The following ARSJ variants were observed in gnomAD, a reference collection of about 807,000 sequenced individuals.
ARSJ encodes arylsulfatase family member J.
Under a neutral mutation model 35.9 loss-of-function variants are expected in ARSJ, and 26 were observed. The ratio of observed to expected loss-of-function variants is 0.72; its 90% CI spans 0.53 to 1.00. The LOEUF (loss-of-function observed/expected upper bound fraction) is 1.00. Among genes scored for constraint, ARSJ ranks in the 50% least tolerant of loss-of-function variants. The probability of loss-of-function intolerance (pLI) is 0.00; values close to 1 mark genes in which losing one functional copy is unlikely to be tolerated. For missense variants in ARSJ, 667 were observed against 723.6 expected, an observed-to-expected ratio of 0.92 and a Z score of 0.90; for synonymous variants, 294 against 267.6, an observed-to-expected ratio of 1.10 and a Z score of -0.96.
At chr4:113,936,433 T>C (rs1724772383) in intron 1 of ARSJ, among the ~76,000 whole-genome samples, 1 of 151,912 alleles carries the variant, frequency 6.6e-6, no homozygotes, top group Non-Finnish European at 1.5e-5. Context: ...GAAGACAATA[T>C]AATCTTCTCC....
chr4:113,978,401 C>T (rs1562383408), intron 1 of ARSJ, 36 bp downstream of exon 1: 5 of 1,513,568 alleles, frequency 3.3e-6, no homozygotes, highest in African/African-American at 1.4e-5. Context: ...CTTAAGATTT[C>T]TCCAAGGAAT....
intron 1 of ARSJ, among the ~76,000 whole-genome samples, chr4:113,971,868 T>C (rs1449556781): frequency 2.0e-5 from 3 of 152,144 alleles, no homozygotes; most frequent in Non-Finnish European, 1.5e-5. Context: ...TGCATGACCA[T>C]GATGTTTACA....
At position 113,967,919 on chromosome 4, in the gene ARSJ, A is replaced by C. The variant is rs28625481; in HGVS notation, c.398+10518T>G. On this transcript the variant is annotated intron_variant, in intron 1 of 1. Coordinates refer to ENST00000315366, the MANE Select transcript of ARSJ (RefSeq NM_024590.4). ...CAATATGTCAGTCATAAAACACTTA[A>C]CATAGTTTTTGAATATTTTCTCCTT... Among the ~76,000 whole-genome samples, 1,201 of 152,260 alleles carry C rather than the reference A, an allele frequency of 7.9e-3. 18 individuals carry two copies. The highest frequency in any genetic ancestry group is 0.027 in the African/African-American group (1,138 of 41,546).
rs76632922 is a variant in ARSJ, at chr4:113,940,597, G to A, written c.399-36922C>T. On this transcript the variant is annotated intron_variant, in intron 1 of 1. Coordinates refer to ENST00000315366, the MANE Select transcript of ARSJ (RefSeq NM_024590.4). ...GGTGCAGCAAACCACCGTGGCACAC[G>A]TTACCTATGTAACAAATCTGCACAT... is the stretch of plus-strand genomic sequence containing the variant. Among the ~76,000 whole-genome samples, 390 of 151,240 alleles carry A rather than the reference G, an allele frequency of 2.6e-3. 1 individual carries two copies. Among genetic ancestry groups the A allele is most frequent in the African/African-American group, 8.7e-3 (358 of 41,202 alleles).
At position 113,903,558 on chromosome 4, in the gene ARSJ, A is replaced by G; in HGVS notation, c.516T>C (p.His172=). Residue 172 remains histidine, a synonymous_variant, in exon 2 of 2, where the codon CAT becomes CAC. Coordinates refer to ENST00000315366, the MANE Select transcript of ARSJ (RefSeq NM_024590.4). ...QKLKEVGYST[H]MVGKWHLGFY... is the part of the protein sequence containing the mutation. ...AACCCAAGTGCCATTTTCCGACCAT[A>G]TGCGTTGAATATCCAACCTCCTTCA... 4 of 1,614,180 alleles carry G rather than the reference A, an allele frequency of 2.5e-6. No homozygotes were observed. The South Asian group carries it at 4.4e-5, about 18-fold the overall frequency.
rs1174548062 is a variant in ARSJ at position 113,978,793 on chromosome 4, A to G, written c.42T>C (p.Ser14=). 5.0e-6 allele frequency: 8 copies of G among 1,613,442 alleles called. No homozygotes were observed. Among genetic ancestry groups the G allele is most frequent in the Middle Eastern group, 1.7e-4 (1 of 6,060 alleles). The change falls in exon 1 of 2, where the codon TCT becomes TCC. Residue 14 remains serine, a synonymous_variant. Coordinates refer to ENST00000315366, the MANE Select transcript of ARSJ (RefSeq NM_024590.4). ...TTCCAGGACAGACACAGGCCTGTGG[A>G]GAAGGCGGAGGCGGATGCCCCGCAC... ...RGCAGHPPPP[S]PQACVCPGKM...
chr4:113,969,261 C>T (rs1727088658), intron 1 of ARSJ, among the ~76,000 whole-genome samples: 1 of 152,174 alleles, frequency 6.6e-6, no homozygotes, highest in Non-Finnish European at 1.5e-5. Flanking sequence ...TTAAAAAATA[C>T]ACCCCAGTCA....
At chr4:113,924,443 C>T (rs950063920) in intron 1 of ARSJ, among the ~76,000 whole-genome samples, 1 of 151,948 alleles carries the variant, frequency 6.6e-6, no homozygotes, top group Non-Finnish European at 1.5e-5. Flanking sequence ...ACAGACACAC[C>T]CAGGATCAAT....
chr4:113,955,843 A>C (rs1015449796), intron 1 of ARSJ, among the ~76,000 whole-genome samples: 15 of 152,202 alleles, frequency 9.9e-5, no homozygotes, highest in African/African-American at 3.6e-4. Flanking sequence ...AAAATGTTTT[A>C]ACAACAATAA....
intron 1 of ARSJ, among the ~76,000 whole-genome samples, chr4:113,962,860 A>C (rs1726644603): frequency 6.6e-6 from 1 of 151,986 alleles, no homozygotes; most frequent in South Asian, 2.1e-4. Flanking sequence ...ACACTACAGG[A>C]TCTGGCTTCT....
At chr4:113,955,961 G>A (rs986504471) in intron 1 of ARSJ, among the ~76,000 whole-genome samples, 11 of 152,052 alleles carry the variant, frequency 7.2e-5, no homozygotes, top group African/African-American at 2.7e-4. Flanking sequence ...GTTATTTGTA[G>A]TATGGAAACT....
At chr4:113,948,843 C>A (rs1013766689) in intron 1 of ARSJ, among the ~76,000 whole-genome samples, 4 of 152,226 alleles carry the variant, frequency 2.6e-5, no homozygotes, top group African/African-American at 9.6e-5. Flanking sequence ...TTTTCTGTAT[C>A]TCTTCATTGC....
intron 1 of ARSJ, among the ~76,000 whole-genome samples, chr4:113,948,791 A>G (rs1346477333): frequency 1.3e-5 from 2 of 152,236 alleles, no homozygotes; most frequent in Middle Eastern, 3.4e-3. Context: ...GCCATTCCAC[A>G]TCCTCTTCTA....
intron 1 of ARSJ, among the ~76,000 whole-genome samples, chr4:113,965,166 A>C (rs2149283005): frequency 6.6e-6 from 1 of 152,238 alleles, no homozygotes; most frequent in South Asian, 2.1e-4. Flanking sequence ...GAAACTCTGA[A>C]AGGTAATATT....
intron 1 of ARSJ, among the ~76,000 whole-genome samples, chr4:113,939,735 C>T (rs868588630): frequency 3.2e-4 from 48 of 152,030 alleles, no homozygotes; most frequent in African/African-American, 1.1e-3. Flanking sequence ...GTTCATATCC[C>T]TTGCCCACTT....
chr4:113,940,008 T>C (rs1725042166), intron 1 of ARSJ, among the ~76,000 whole-genome samples: 1 of 152,090 alleles, frequency 6.6e-6, no homozygotes, highest in South Asian at 2.1e-4. Context: ...CTGGCGAGGC[T>C]GTGGAGAAAT....
chr4:113,956,818 A>T (rs1464018668), intron 1 of ARSJ, among the ~76,000 whole-genome samples: 2 of 151,956 alleles, frequency 1.3e-5, no homozygotes, highest in Non-Finnish European at 2.9e-5. Context: ...AGTCTGAAAG[A>T]CTGCAGGGGC....
chr4:113,902,182 C>T lies in ARSJ; in HGVS notation c.*92G>A, dbSNP rs2099667281. ...AAAACAAGCCTGACGCTTAGGCCAG[C>T]GATATTATCGAGCCAAATTTGCTGG... is the stretch of plus-strand genomic sequence containing the variant. On this transcript the variant is annotated 3_prime_UTR_variant, in exon 2 of 2. Coordinates refer to ENST00000315366, the MANE Select transcript of ARSJ (RefSeq NM_024590.4). 1 of 1,598,978 alleles carries T rather than the reference C, an allele frequency of 6.3e-7. No homozygotes were observed. Among genetic ancestry groups the T allele is most frequent in the East Asian group, 2.2e-5 (1 of 44,872 alleles).
chr4:113,954,000 T>TA (rs1726019422), intron 1 of ARSJ, among the ~76,000 whole-genome samples: 1 of 152,026 alleles, frequency 6.6e-6, no homozygotes, highest in African/African-American at 2.4e-5. Context: ...AGTACTATAG[T>TA]AATAAGCATG....
Sources: allele counts gnomAD v4.1 joint callset (sites outside exome capture counted in the v4.1 genomes callset), GRCh38; gene constraint gnomAD v4.1.1; transcripts MANE v1.5; gene names NCBI Gene and HGNC (gene_info 2026-07-23, HGNC 2026-07-21).